Variants in ODR4 observed in about 807,000 individuals in gnomAD.
ODR4 encodes odr-4 GPCR localization factor homolog, also known as protein odr-4 homolog.
A neutral mutation model predicts 60.2 loss-of-function variants in ODR4; 47 were observed. That is an observed-to-expected ratio of 0.78 (90% CI 0.62 to 1.00). ODR4 has a LOEUF of 1.00. Among genes scored for constraint, ODR4 ranks in the 50% least tolerant of loss-of-function variants. The pLI, the probability that ODR4 is intolerant of heterozygous loss-of-function variation, is 0.00. For synonymous variants in ODR4, 178 were observed against 175.5 expected (o/e 1.01, Z -0.11); for missense variants, 488 against 530.8 (o/e 0.92, Z 0.79).
At chr1:186,406,547 G>A (rs1661180591) in intron 12 of ODR4, among the ~76,000 whole-genome samples, 2 of 151,954 alleles carry the variant, frequency 1.3e-5, no homozygotes, top group African/African-American at 2.4e-5. Flanking sequence ...GGATTAAGTA[G>A]GTAAAATTAC....
intron 9 of ODR4, 103 bp downstream of exon 9, chr1:186,394,118 T>C: frequency 1.5e-6 from 1 of 669,484 alleles, no homozygotes; most frequent in East Asian, 2.9e-5. Flanking sequence ...ATTTTAGAGC[T>C]GTAAGAGACT....
chr1:186,378,331 A>G (rs1456009279), intron 1 of ODR4, among the ~76,000 whole-genome samples: 1 of 152,238 alleles, frequency 6.6e-6, no homozygotes, highest in Non-Finnish European at 1.5e-5. Context: ...TGCAGTGTTC[A>G]AAATACTGTA....
rs141783709 is a variant in ODR4 at position 186,418,570 on chromosome 1, A to G, written c.1298-439A>G. 2.3e-3 allele frequency among the ~76,000 whole-genome samples: 346 copies of G among 152,364 alleles called. 2 individuals are homozygous for G. The highest frequency in any genetic ancestry group is 7.9e-3 in the African/African-American group (330 of 41,596). On this transcript the variant is annotated intron_variant, in intron 13 of 13. Transcript: ENST00000287859. Reference sequence around the variant, plus strand: ...AATTATTAGATTTTATAATGGTCGAACATGGACTTCTGCAGTTTTCAGTAG... The same window carrying G: ...AATTATTAGATTTTATAATGGTCGAGCATGGACTTCTGCAGTTTTCAGTAG...
intron 11 of ODR4, among the ~76,000 whole-genome samples, chr1:186,402,718 G>A (rs1361175007): frequency 6.6e-6 from 1 of 152,084 alleles, no homozygotes; most frequent in Non-Finnish European, 1.5e-5. Context: ...CTCCCAGGTA[G>A]CTGGGACTAC....
Position 186,420,749 on chromosome 1 carries a change from G to T in ODR4, c.*1673G>T, listed in dbSNP as rs974128762. 4 of 152,138 alleles carry T rather than the reference G, an allele frequency of 2.6e-5. No homozygotes were observed. The highest frequency in any genetic ancestry group is 5.9e-5 in the Non-Finnish European group (4 of 68,016). The allele number at this position is 152,138 out of a possible 1,614,324, so 9.4% of individuals were successfully genotyped here. ...AGAAACAAGGAGCTAGAAAACATTG[G>T]AAAGTTAAGAGAGTTCGAGGGAAGA... is the stretch of plus-strand genomic sequence containing the variant. On this transcript the variant is annotated 3_prime_UTR_variant, in exon 14 of 14. Coordinates refer to ENST00000287859, the MANE Select transcript of ODR4 (RefSeq NM_017847.6).
intron 11 of ODR4, among the ~76,000 whole-genome samples, chr1:186,402,097 C>T (rs1417398616): frequency 6.6e-6 from 1 of 151,824 alleles, no homozygotes; most frequent in African/African-American, 2.4e-5. Context: ...TTTTCTTCTT[C>T]CTTTCTTTCT....
At chr1:186,414,964 A>G (rs1404091831) in intron 12 of ODR4, among the ~76,000 whole-genome samples, 1 of 152,214 alleles carries the variant, frequency 6.6e-6, no homozygotes, top group African/African-American at 2.4e-5. Flanking sequence ...CTGAGCTAAT[A>G]TAGTCTAGAA....
Position 186,390,701 on chromosome 1 carries a change from C to G in ODR4, c.475-10C>G, listed in dbSNP as rs1660436122. 1 of 1,612,794 alleles carries G rather than the reference C, an allele frequency of 6.2e-7. No homozygotes were observed. On this transcript the variant is annotated splice_polypyrimidine_tract_variant and intron_variant, in intron 6 of 13. Transcript: ENST00000287859. The stretch of plus-strand genomic sequence containing the variant: ...CATCATAGTTATTTTTCTCCCTTCT[C>G]CACTGCTAGAGTTCAGCAAGACCAG...
the ODR4 span, among the ~76,000 whole-genome samples, chr1:186,427,499 C>A: frequency 2.8e-5 from 3 of 108,486 alleles, no homozygotes; most frequent in African/African-American, 4.4e-5. Context: ...AATTCTAGTT[C>A]TTTTGCTAAT....
the ODR4 span, among the ~76,000 whole-genome samples, chr1:186,432,719 T>A: frequency 3.4e-4 from 51 of 152,220 alleles, 1 homozygote; most frequent in Non-Finnish European, 6.5e-4. Context: ...TTTTAAAAAA[T>A]TTTTTTAATG....
At chr1:186,405,208 A>G (rs1661126074) in intron 11 of ODR4, among the ~76,000 whole-genome samples, 1 of 152,218 alleles carries the variant, frequency 6.6e-6, no homozygotes, top group African/African-American at 2.4e-5. Flanking sequence ...TGAGATAGGT[A>G]CACAAAACTG....
At chr1:186,426,546 G>A in the ODR4 span, among the ~76,000 whole-genome samples, 4 of 152,182 alleles carry the variant, frequency 2.6e-5, no homozygotes, top group Non-Finnish European at 5.9e-5. Context: ...TGTGGAAACT[G>A]TTCATCCTCT....
intron 3 of ODR4, among the ~76,000 whole-genome samples, chr1:186,385,461 G>T (rs116485698): frequency 0.01 from 1,553 of 151,696 alleles, 34 homozygotes; most frequent in African/African-American, 0.036. Context: ...GTTCAGAGAT[G>T]AAAAGATCAG....
At chr1:186,421,728 A>C (rs1416376062), downstream of ODR4, among the ~76,000 whole-genome samples, 1 of 151,956 alleles carries the variant, frequency 6.6e-6, no homozygotes, top group Non-Finnish European at 1.5e-5. Context: ...GCTGCGTGTG[A>C]TGGCATGCGC....
intron 10 of ODR4, 42 bp downstream of exon 10, chr1:186,398,483 T>G: frequency 1.3e-6 from 2 of 1,539,510 alleles, no homozygotes; most frequent in Non-Finnish European, 1.7e-6. Context: ...ATGTTAACTA[T>G]TAACAAAAAC....
intron 12 of ODR4, among the ~76,000 whole-genome samples, chr1:186,416,087 A>G (rs1661554722): frequency 1.3e-5 from 2 of 152,026 alleles, no homozygotes; most frequent in South Asian, 4.1e-4. Flanking sequence ...TTTTTTTTAC[A>G]GTCTTTTAAA....
rs1395803237 is a variant in ODR4 at position 186,417,595 on chromosome 1, A to G, written c.1238A>G (p.Asp413Gly). 5.0e-6 allele frequency: 8 copies of G among 1,604,378 alleles called. No individual in the cohort carries two copies. Among genetic ancestry groups the G allele is most frequent in the Non-Finnish European group, 6.8e-6 (8 of 1,174,578 alleles). Residue 413 changes from aspartate to glycine, a missense_variant, in exon 13 of 14, where the codon GAT becomes GGT. By Grantham distance (94) the Asp-to-Gly change is moderately conservative (BLOSUM62 -1). Transcript: ENST00000287859. The part of the protein sequence containing the change: ...NSQASLDNTD[D>G]EQPKQPIKTT... ...CAAGCTTCATTGGACAACACAGATG[A>G]TGAACAACCAAAACAACCAATTAAA...
chr1:186,421,731 G>A (rs968926516), downstream of ODR4, among the ~76,000 whole-genome samples: 11 of 152,014 alleles, frequency 7.2e-5, no homozygotes, highest in African/African-American at 2.4e-4. Flanking sequence ...GCGTGTGATG[G>A]CATGCGCCTG....
downstream of ODR4, among the ~76,000 whole-genome samples, chr1:186,424,758 C>T (rs1661855869): frequency 6.6e-6 from 1 of 151,956 alleles, no homozygotes; most frequent in Non-Finnish European, 1.5e-5. Context: ...GTTTATGTGG[C>T]TTCTCCATGG....
Sources: gnomAD v4.1 joint callset for allele counts (sites outside exome capture counted in the v4.1 genomes callset) on GRCh38, gnomAD v4.1.1 for gene constraint, MANE v1.5 for transcripts, NCBI Gene and HGNC (gene_info 2026-07-23, HGNC 2026-07-21) for gene names.